SLC8A3: variants seen among roughly 807,000 people sequenced by gnomAD.
SLC8A3 encodes solute carrier family 8 member A3, also known as sodium/calcium exchanger 3.
Under a neutral mutation model 65.4 loss-of-function variants are expected in SLC8A3, and 37 were observed. That is an observed-to-expected ratio of 0.57 (90% confidence interval 0.44 to 0.74). The LOEUF is 0.74. Among genes scored for constraint, SLC8A3 ranks in the 30% least tolerant of loss-of-function variants. The probability of loss-of-function intolerance (pLI) is 0.00; values close to 1 mark genes in which losing one functional copy is unlikely to be tolerated. For missense variants in SLC8A3, 1,112 were observed against 1,172.1 expected, an observed-to-expected ratio of 0.95 and a Z score of 0.75; for synonymous variants, 461 against 444.5, an observed-to-expected ratio of 1.04 and a Z score of -0.47.
chr14:70,082,342 G>A (rs1035534179), intron 2 of SLC8A3, among the ~76,000 whole-genome samples: 3 of 152,296 alleles, frequency 2.0e-5, no homozygotes, highest in Middle Eastern at 3.4e-3. Flanking sequence ...GGTAGGTGAA[G>A]GAACGTCTCC....
In SLC8A3 at chr14:70,167,703, G is replaced by T. The variant is rs758648635; in HGVS notation, c.720C>A (p.Phe240Leu). ...AGGCCAGAAGGACACACACTGGAAAGAAGAAGAGAGTGAGGAGGCCTTCCC... is the reference window on the plus strand; with the variant it reads ...AGGCCAGAAGGACACACACTGGAAATAAGAAGAGAGTGAGGAGGCCTTCCC... ...QVWEGLLTLF[F>L]FPVCVLLAWV... Residue 240 changes from phenylalanine (F) to leucine (L), a missense_variant, in exon 2 of 7, where the codon TTC becomes TTA. Phe to Leu is a conservative substitution (Grantham distance 22). Transcript: ENST00000356921. The T allele has an allele frequency of 4.3e-6, 7 of 1,614,192 alleles. No homozygotes were observed. The Admixed American group carries it at 1.2e-4, about 27-fold the overall frequency.
intron 2 of SLC8A3, among the ~76,000 whole-genome samples, chr14:70,145,946 AGG>A (rs1895898388): frequency 7.0e-6 from 1 of 143,268 alleles, no homozygotes; most frequent in African/African-American, 2.5e-5. Flanking sequence ...GAAGGAAGGA[AGG>A]AAGGAAAAGA....
chr14:70,091,302 A>T (rs1263559918), intron 2 of SLC8A3, among the ~76,000 whole-genome samples: 2 of 152,194 alleles, frequency 1.3e-5, no homozygotes, highest in African/African-American at 2.4e-5. Flanking sequence ...TTTTAATAAC[A>T]AAAATTTGTC....
intron 3 of SLC8A3, among the ~76,000 whole-genome samples, chr14:70,057,775 G>A (rs1888331872): frequency 6.6e-6 from 1 of 152,136 alleles, no homozygotes; most frequent in Non-Finnish European, 1.5e-5. Flanking sequence ...AGACACCCCA[G>A]GGACAAGCTG....
chr14:70,119,059 G>A lies in SLC8A3; in HGVS notation c.1784+47580C>T, dbSNP rs186170010. Among the ~76,000 whole-genome samples, 764 of 152,246 alleles carry A rather than the reference G, an allele frequency of 5.0e-3. 2 individuals are homozygous for A. The highest frequency in any genetic ancestry group is 6.8e-3 in the Non-Finnish European group (460 of 68,008). ...CAAGGACCCCACAGGACACTGCTCA[G>A]TAAAGTCCTACAGCTTTACTCTTTC... On this transcript the variant is annotated intron_variant, in intron 2 of 6. Transcript: ENST00000356921.
At position 70,154,385 on chromosome 14, in the gene SLC8A3, A is replaced by T. The variant is rs75555419; in HGVS notation, c.1784+12254T>A. On this transcript the variant is annotated intron_variant, in intron 2 of 6. Transcript: ENST00000356921. ...AAAGATTAAAAGTTGTCTTTCCACCATTCGGACCGTCAGTCTCACTTCCCA... is the reference window on the plus strand; with the variant it reads ...AAAGATTAAAAGTTGTCTTTCCACCTTTCGGACCGTCAGTCTCACTTCCCA... Among the ~76,000 whole-genome samples the T allele has an allele frequency of 5.8e-4, 88 of 152,372 alleles. No homozygotes were observed. In the East Asian group the frequency reaches 8.3e-3, roughly 14 times the overall value.
chr14:70,071,883 CAA>C (rs1437315563), intron 2 of SLC8A3, among the ~76,000 whole-genome samples: 3 of 152,174 alleles, frequency 2.0e-5, no homozygotes, highest in Admixed American at 6.5e-5. Context: ...ATTTTGTGAA[CAA>C]AAAGAGTGTT....
intron 2 of SLC8A3, among the ~76,000 whole-genome samples, chr14:70,150,785 G>T (rs1485980629): frequency 6.6e-6 from 1 of 152,174 alleles, no homozygotes; most frequent in African/African-American, 2.4e-5. Context: ...AGAGGGAAAG[G>T]GGATTTGGAG....
intron 2 of SLC8A3, among the ~76,000 whole-genome samples, chr14:70,116,488 G>T (rs1306571554): frequency 6.6e-6 from 1 of 152,178 alleles, no homozygotes; most frequent in African/African-American, 2.4e-5. Context: ...TAACAGCCAT[G>T]TTGTGTATCA....
intron 2 of SLC8A3, among the ~76,000 whole-genome samples, chr14:70,107,561 T>C (rs187731627): frequency 2.8e-4 from 43 of 152,212 alleles, no homozygotes; most frequent in African/African-American, 9.4e-4. Flanking sequence ...GTAGAGATGC[T>C]ACAGTAGATT....
intron 2 of SLC8A3, among the ~76,000 whole-genome samples, chr14:70,100,382 A>G (rs1892481908): frequency 6.6e-6 from 1 of 152,242 alleles, no homozygotes. Context: ...CTACTTAGGG[A>G]CAACAGCACA....
At chr14:70,157,962 T>C (rs546740492) in intron 2 of SLC8A3, among the ~76,000 whole-genome samples, 1 of 152,228 alleles carries the variant, frequency 6.6e-6, no homozygotes, top group Admixed American at 6.5e-5. Flanking sequence ...GATCAGAGAA[T>C]AGACTGAAAG....
intron 2 of SLC8A3, among the ~76,000 whole-genome samples, chr14:70,121,101 C>A (rs1174186714): frequency 6.6e-6 from 1 of 152,020 alleles, no homozygotes; most frequent in African/African-American, 2.4e-5. Flanking sequence ...GTCTTTTTTT[C>A]CCCATATCAG....
intron 2 of SLC8A3, among the ~76,000 whole-genome samples, chr14:70,065,054 A>G (rs1889265230): frequency 6.6e-6 from 1 of 152,144 alleles, no homozygotes; most frequent in Admixed American, 6.5e-5. Context: ...AGGAGGCCTG[A>G]GCAGGAGCCC....
chr14:70,088,838 A>G (rs12586172), intron 2 of SLC8A3, among the ~76,000 whole-genome samples: 66,300 of 152,010 alleles, frequency 0.44, 15,350 homozygotes, highest in South Asian at 0.66. Flanking sequence ...TCCTCTCCAG[A>G]CTACCCCCAT....
intron 2 of SLC8A3, among the ~76,000 whole-genome samples, chr14:70,069,085 T>C (rs145558363): frequency 1.3e-5 from 2 of 152,360 alleles, no homozygotes; most frequent in African/African-American, 4.8e-5. Context: ...ACTTGCTCAG[T>C]CGCACAGCTA....
Position 70,166,993 on chromosome 14 carries a change from T to A in SLC8A3, c.1430A>T (p.Asp477Val). The change falls in exon 2 of 7, where the codon GAT (aspartate) becomes GTT (valine). Residue 477 changes from aspartate to valine, a missense_variant. Asp to Val is a radical substitution (Grantham distance 152). Transcript: ENST00000356921. ...GIIDDDIFEEDEHFFVRLSNV... is the reference protein window; with the variant it reads ...GIIDDDIFEEVEHFFVRLSNV... ...GCTCAACCTTACAAAGAAGTGTTCA[T>A]CCTCCTCAAAAATGTCGTCATCAAT... The A allele has an allele frequency of 6.2e-7, 1 of 1,614,114 alleles. No individual in the cohort carries two copies. The highest frequency in any genetic ancestry group is 8.5e-7 in the Non-Finnish European group (1 of 1,180,002).
intron 1 of SLC8A3, among the ~76,000 whole-genome samples, chr14:70,176,516 A>G (rs1566835061): frequency 1.3e-5 from 2 of 152,242 alleles, no homozygotes; most frequent in Non-Finnish European, 2.9e-5. Flanking sequence ...GGGAGAGAAG[A>G]GAAGGAACCT....
intron 2 of SLC8A3, among the ~76,000 whole-genome samples, chr14:70,160,944 T>TA (rs1453058137): frequency 6.6e-6 from 1 of 150,758 alleles, no homozygotes; most frequent in African/African-American, 2.4e-5. Context: ...AAGCTTCTGC[T>TA]AAAAAGTTTA....
Sources: gnomAD v4.1 joint callset for allele counts (sites outside exome capture counted in the v4.1 genomes callset) on GRCh38, gnomAD v4.1.1 for gene constraint, MANE v1.5 for transcripts, NCBI Gene and HGNC (gene_info 2026-07-23, HGNC 2026-07-21) for gene names.